The following CHIC1 variants were observed in gnomAD, a reference collection of about 807,000 sequenced individuals.
CHIC1 encodes the protein cysteine-rich hydrophobic domain-containing protein 1.
A neutral mutation model predicts 18.5 loss-of-function variants in CHIC1; 7 were observed. The observed-to-expected ratio is 0.38, with a 90% CI of 0.22 to 0.71. The LOEUF (loss-of-function observed/expected upper bound fraction) is 0.71. Among genes scored for constraint, CHIC1 ranks in the 30% least tolerant of loss-of-function variants. CHIC1 has a pLI of 0.49. For missense variants in CHIC1, 159 were observed against 176.9 expected (o/e 0.90, Z 0.57); for synonymous variants, 77 against 73.5 (o/e 1.05, Z -0.25).
intron 3 of CHIC1, among the ~76,000 whole-genome samples, chrX:73,627,063 T>C (rs2057786479): frequency 9.2e-6 from 1 of 108,668 alleles, no homozygotes; most frequent in Non-Finnish European, 1.9e-5. Context: ...TACCACCTTT[T>C]TGGTCTTGGG....
At chrX:73,628,249 G>A (rs2057792404) in intron 3 of CHIC1, among the ~76,000 whole-genome samples, 1 of 111,718 alleles carries the variant, frequency 9.0e-6, no homozygotes. Context: ...TGCAGCCTGA[G>A]TTTAGGGAAG....
In CHIC1 at chrX:73,681,088, T is replaced by C; in HGVS notation, c.*83T>C. 1.8e-6 allele frequency: 1 copy of C among 547,968 alleles called. No homozygotes were observed. Among genetic ancestry groups the C allele is most frequent in the Non-Finnish European group, 3.0e-6 (1 of 334,938 alleles). 45.2% of individuals were successfully genotyped at this position (547,968 alleles called of 1,213,427 possible). ...AGATTTGGAATGAAGATGGTCTCCT[T>C]TGCTGTGTTCAACTTATTCTTTATA... On this transcript the variant is annotated 3_prime_UTR_variant, in exon 6 of 6. Transcript: ENST00000373502.
Position 73,685,640 on chromosome X carries a change from T to C in CHIC1, c.*4635T>C, listed in dbSNP as rs2058118403. 2 of 111,522 alleles carry C rather than the reference T, an allele frequency of 1.8e-5. No homozygotes were observed. Among genetic ancestry groups the C allele is most frequent in the South Asian group, 7.5e-4 (2 of 2,666 alleles). 9.2% of individuals were successfully genotyped at this position (111,522 alleles called of 1,213,427 possible). On this transcript the variant is annotated 3_prime_UTR_variant, in exon 6 of 6. Coordinates refer to ENST00000373502, the MANE Select transcript of CHIC1 (RefSeq NM_001039840.4). The stretch of plus-strand genomic sequence containing the variant: ...CGAAGTGGGGACAATAATCTGGACC[T>C]ACCTCACAGGGGAATTGAGGATATT...
intron 4 of CHIC1, 79 bp downstream of exon 4, chrX:73,679,461 T>G: frequency 2.8e-6 from 2 of 716,607 alleles, no homozygotes; most frequent in Non-Finnish European, 2.1e-6. Context: ...AAATGGGAAT[T>G]TTTAGGCCAC....
intron 3 of CHIC1, among the ~76,000 whole-genome samples, chrX:73,602,749 C>T (rs1283169340): frequency 9.2e-6 from 1 of 108,793 alleles, no homozygotes; most frequent in Non-Finnish European, 1.9e-5. Context: ...CCAGTTTTCC[C>T]AACACCATTT....
chrX:73,602,151 G>A (rs2057654155), intron 3 of CHIC1, among the ~76,000 whole-genome samples: 2 of 107,995 alleles, frequency 1.9e-5, no homozygotes, highest in Non-Finnish European at 3.8e-5. Flanking sequence ...AACAGGAGCT[G>A]GTACCATTCC....
chrX:73,651,761 A>G (rs776931917), intron 3 of CHIC1, among the ~76,000 whole-genome samples: 2 of 111,786 alleles, frequency 1.8e-5, no homozygotes, highest in Non-Finnish European at 3.8e-5. Flanking sequence ...ATGGAAAAAC[A>G]TTCCATGCTC....
chrX:73,577,429 G>T lies in CHIC1; in HGVS notation c.319G>T (p.Asp107Tyr). The change falls in exon 2 of 6, where the codon GAT (aspartate) becomes TAT (tyrosine). Residue 107 changes from aspartate (D) to tyrosine (Y), a missense_variant. Coordinates refer to ENST00000373502, the MANE Select transcript of CHIC1 (RefSeq NM_001039840.4). ...ITVFGLSNKF[D>Y]TEFPSVLTGK... Reference sequence around the variant, plus strand: ...AAGGTTTGGCTTGAGCAACAAGTTTGATACTGAATTTCCCTCCGTTCTAAC... The same window carrying T: ...AAGGTTTGGCTTGAGCAACAAGTTTTATACTGAATTTCCCTCCGTTCTAAC... 1 of 1,199,552 alleles carries T rather than the reference G, an allele frequency of 8.3e-7. No individual in the cohort carries two copies. Among genetic ancestry groups the T allele is most frequent in the Non-Finnish European group, 1.1e-6 (1 of 886,220 alleles).
In CHIC1 at chrX:73,601,493, A is replaced by C. The variant is rs2147566688; in HGVS notation, c.507+16921A>C. ...CATAACGAAATGAAGGCAGAAATAA[A>C]GATGTTCTTTGAAACCAACGAGAAC... On this transcript the variant is annotated intron_variant, in intron 3 of 5. Coordinates refer to ENST00000373502, the MANE Select transcript of CHIC1 (RefSeq NM_001039840.4). Among the ~76,000 whole-genome samples, 2 of 106,718 alleles carry C rather than the reference A, an allele frequency of 1.9e-5. 1 individual carries two copies. The highest frequency in any genetic ancestry group is 7.3e-5 in the African/African-American group (2 of 27,215). 92.7% of individuals were successfully genotyped at this position (106,718 alleles called of 115,157 possible).
At chrX:73,576,555 T>C (rs1253778045) in intron 1 of CHIC1, among the ~76,000 whole-genome samples, 1 of 110,843 alleles carries the variant, frequency 9.0e-6, no homozygotes, top group Non-Finnish European at 1.9e-5. Flanking sequence ...GCACAGTGTC[T>C]AGCCCATGGT....
chrX:73,677,804 C>T (rs2058076056), intron 3 of CHIC1, among the ~76,000 whole-genome samples: 1 of 112,296 alleles, frequency 8.9e-6, no homozygotes, highest in Non-Finnish European at 1.9e-5. Flanking sequence ...GTTGGAAATG[C>T]AGAAATCACC....
At position 73,584,449 on chromosome X, in the gene CHIC1, C is replaced by T; in HGVS notation, c.384C>T (p.Gly128=). The T allele has an allele frequency of 8.4e-7, 1 of 1,183,525 alleles. No homozygotes were observed. The highest frequency in any genetic ancestry group is 3.1e-5 in the East Asian group (1 of 32,357). ...CAGAAGAATTTAAAACCAGCATTGG[C>T]CGTGTGAATGCATGTTTGAAAAAGG... ...VAPEEFKTSI[G]RVNACLKKAL... Residue 128 remains glycine (G), a synonymous_variant, in exon 3 of 6, where the codon GGC becomes GGT. Transcript: ENST00000373502.
At chrX:73,661,487 T>A (rs966353434) in intron 3 of CHIC1, among the ~76,000 whole-genome samples, 1 of 111,696 alleles carries the variant, frequency 9.0e-6, no homozygotes, top group Non-Finnish European at 1.9e-5. Flanking sequence ...GGTGGAAAAA[T>A]TGATGCAATT....
intron 3 of CHIC1, among the ~76,000 whole-genome samples, chrX:73,637,855 T>C (rs1362353777): frequency 1.8e-5 from 2 of 111,882 alleles, no homozygotes; most frequent in African/African-American, 3.2e-5. Flanking sequence ...GTCTGAACTT[T>C]CTTGTGGATG....
intron 1 of CHIC1, among the ~76,000 whole-genome samples, chrX:73,573,135 G>A (rs2057479164): frequency 2.7e-5 from 3 of 111,311 alleles, no homozygotes; most frequent in Non-Finnish European, 5.7e-5. Context: ...ATGACAGGTA[G>A]TGTTCCAGCT....
chrX:73,642,839 G>A (rs11093435), intron 3 of CHIC1, among the ~76,000 whole-genome samples: 18,953 of 104,261 alleles, frequency 0.18, 2,082 homozygotes, highest in East Asian at 0.94. Context: ...GTAGATATGC[G>A]GTGTTATTTC....
intron 1 of CHIC1, among the ~76,000 whole-genome samples, chrX:73,574,257 T>TAA (rs2057485663): frequency 1.8e-5 from 2 of 111,136 alleles, no homozygotes; most frequent in Non-Finnish European, 3.8e-5. Context: ...TGAACCAACC[T>TAA]TGCATCCCAG....
At chrX:73,627,039 C>G (rs2057786346) in intron 3 of CHIC1, among the ~76,000 whole-genome samples, 1 of 107,435 alleles carries the variant, frequency 9.3e-6, no homozygotes, top group African/African-American at 3.4e-5. Context: ...GTGGTTTTTG[C>G]AGACTCGTAG....
intron 3 of CHIC1, among the ~76,000 whole-genome samples, chrX:73,644,067 G>C (rs1421109944): frequency 8.9e-6 from 1 of 112,216 alleles, no homozygotes; most frequent in Non-Finnish European, 1.9e-5. Flanking sequence ...CTTTCTGTTT[G>C]TTAGTTTTCC....
Sources: allele counts gnomAD v4.1 joint callset (sites outside exome capture counted in the v4.1 genomes callset), GRCh38; gene constraint gnomAD v4.1.1; transcripts MANE v1.5; gene names NCBI Gene and HGNC (gene_info 2026-07-23, HGNC 2026-07-21).